LRRC49: variants seen among roughly 807,000 people sequenced by gnomAD.
The protein encoded by LRRC49 is leucine-rich repeat-containing protein 49.
LRRC49 carries 50 observed loss-of-function variants against 83.3 expected under a neutral mutation model. The ratio of observed to expected loss-of-function variants is 0.60; its 90% confidence interval spans 0.48 to 0.76. The LOEUF (loss-of-function observed/expected upper bound fraction) is 0.76, where lower values mean the gene tolerates loss of function less well. Ranked by LOEUF, LRRC49 falls within the 30% of genes least tolerant of loss-of-function variation. LRRC49 has a pLI of 0.00. For synonymous variants in LRRC49, 286 were observed against 283.3 expected (o/e 1.01, Z -0.10); for missense variants, 704 against 809.1 (o/e 0.87, Z 1.58).
chr15:70,938,977 T>C (rs2141161448), intron 8 of LRRC49, among the ~76,000 whole-genome samples: 1 of 152,294 alleles, frequency 6.6e-6, no homozygotes, highest in Non-Finnish European at 1.5e-5. Context: ...AAGCATACAC[T>C]GTTGCATAAA....
At chr15:70,926,902 C>T (rs1040782854) in intron 7 of LRRC49, among the ~76,000 whole-genome samples, 1 of 151,918 alleles carries the variant, frequency 6.6e-6, no homozygotes, top group African/African-American at 2.4e-5. Context: ...AACAAACAAC[C>T]CCACCAAAAA....
chr15:70,919,972 A>G (rs2034948146), intron 7 of LRRC49, among the ~76,000 whole-genome samples: 1 of 152,206 alleles, frequency 6.6e-6, no homozygotes, highest in Admixed American at 6.5e-5. Flanking sequence ...TGATGCTGAG[A>G]TATTTTGTAT....
intron 13 of LRRC49, among the ~76,000 whole-genome samples, chr15:71,010,821 AT>A (rs1385234809): frequency 1.3e-5 from 2 of 152,034 alleles, no homozygotes; most frequent in Non-Finnish European, 1.5e-5. Context: ...AAAAAAAAAC[AT>A]CTTTAATATG....
intron 8 of LRRC49, among the ~76,000 whole-genome samples, chr15:70,962,273 A>C (rs944052931): frequency 5.9e-5 from 9 of 152,200 alleles, no homozygotes; most frequent in Non-Finnish European, 1.0e-4. Context: ...TTAGAGTTGG[A>C]GACATCAGTA....
upstream of LRRC49, chr15:70,892,010 G>A: frequency 6.2e-7 from 1 of 1,613,116 alleles, no homozygotes; most frequent in Non-Finnish European, 8.5e-7. Flanking sequence ...CCGGTGCAGG[G>A]TGGGCACGGC....
At chr15:70,893,195 A>T (rs1217055420) in intron 1 of LRRC49, 2 of 591,680 alleles carry the variant, frequency 3.4e-6, no homozygotes, top group East Asian at 2.8e-5. Context: ...GCTTGGGTTT[A>T]TTTAAATTCC....
intron 7 of LRRC49, among the ~76,000 whole-genome samples, chr15:70,934,485 TA>T (rs1275585847): frequency 6.6e-6 from 1 of 152,194 alleles, no homozygotes; most frequent in Non-Finnish European, 1.5e-5. Flanking sequence ...AACTTGTGAA[TA>T]TTTTTATATT....
At chr15:70,996,869 G>A (rs1433330177) in intron 11 of LRRC49, among the ~76,000 whole-genome samples, 1 of 152,136 alleles carries the variant, frequency 6.6e-6, no homozygotes, top group Admixed American at 6.5e-5. Flanking sequence ...AGACTGCAGT[G>A]TTTAATTTGT....
intron 11 of LRRC49, among the ~76,000 whole-genome samples, chr15:70,988,904 T>C (rs2037745727): frequency 6.6e-6 from 1 of 152,214 alleles, no homozygotes; most frequent in African/African-American, 2.4e-5. Flanking sequence ...GAAGCTTAGT[T>C]TGGCTGTATA....
In LRRC49 at chr15:71,053,354, C is replaced by G. The variant is rs780509238; in HGVS notation, c.*3742C>G. The G allele has an allele frequency of 3.9e-5, 6 of 152,172 alleles. No individual in the cohort carries two copies. The highest frequency in any genetic ancestry group is 5.9e-5 in the Non-Finnish European group (4 of 68,042). 9.4% of individuals were successfully genotyped at this position (152,172 alleles called of 1,614,324 possible). A position where few individuals can be genotyped will look rare whatever the true frequency, so the allele number is the denominator to read the frequency against. On this transcript the variant is annotated 3_prime_UTR_variant, in exon 16 of 16. Transcript: ENST00000260382. ...ACCGAAAAGATTGAGTTGCCATCAA[C>G]TGAGATGAGAGCAATCTGTGAATGG... is the stretch of plus-strand genomic sequence containing the variant.
intron 13 of LRRC49, among the ~76,000 whole-genome samples, chr15:71,012,086 G>A (rs1431332710): frequency 6.6e-6 from 1 of 152,150 alleles, no homozygotes; most frequent in East Asian, 1.9e-4. Flanking sequence ...TTGTTCTGTA[G>A]GGGGCAAAAT....
intron 7 of LRRC49, among the ~76,000 whole-genome samples, chr15:70,923,269 C>T (rs569760071): frequency 2.6e-5 from 4 of 151,954 alleles, no homozygotes; most frequent in African/African-American, 9.6e-5. Flanking sequence ...GTAATTGGTA[C>T]TTTAACGTTT....
chr15:71,049,680 A>T lies in LRRC49; in HGVS notation c.*68A>T. On this transcript the variant is annotated 3_prime_UTR_variant, in exon 16 of 16. Transcript: ENST00000260382. Reference sequence around the variant, plus strand: ...TGAAGGTTGAAAATATGCAGGTTATACATGTTAAAACAACAACAACACTAT... The same window carrying T: ...TGAAGGTTGAAAATATGCAGGTTATTCATGTTAAAACAACAACAACACTAT... 1.0e-6 allele frequency: 1 copy of T among 968,486 alleles called. No individual in the cohort carries two copies. The highest frequency in any genetic ancestry group is 1.5e-5 in the South Asian group (1 of 67,712). 60.0% of individuals were successfully genotyped at this position (968,486 alleles called of 1,614,324 possible).
At chr15:70,913,023 A>T (rs1413351676) in intron 6 of LRRC49, among the ~76,000 whole-genome samples, 1 of 152,036 alleles carries the variant, frequency 6.6e-6, no homozygotes. Context: ...TCTCTGTCAG[A>T]TCATATTGGC....
intron 14 of LRRC49, among the ~76,000 whole-genome samples, chr15:71,024,904 A>G (rs747175857): frequency 7.2e-5 from 11 of 152,184 alleles, no homozygotes; most frequent in East Asian, 3.8e-4. Flanking sequence ...CAATGCAACC[A>G]CAAGTATCAA....
At chr15:71,004,800 A>G (rs2038398088) in intron 11 of LRRC49, among the ~76,000 whole-genome samples, 2 of 152,162 alleles carry the variant, frequency 1.3e-5, no homozygotes, top group Admixed American at 6.5e-5. Context: ...ACAGAACAGA[A>G]AATCAAATAC....
At chr15:70,978,525 A>G (rs1215117122) in intron 9 of LRRC49, among the ~76,000 whole-genome samples, 3 of 152,236 alleles carry the variant, frequency 2.0e-5, no homozygotes. Context: ...ATGCAAAGAC[A>G]CAAGAATATT....
intron 14 of LRRC49, among the ~76,000 whole-genome samples, chr15:71,023,280 A>G: frequency 6.6e-6 from 1 of 152,256 alleles, no homozygotes; most frequent in East Asian, 1.9e-4. Flanking sequence ...AAAGTTAAAG[A>G]AAAGAAATGA....
chr15:70,901,498 G>A (rs1192360362), intron 4 of LRRC49, among the ~76,000 whole-genome samples: 1 of 151,988 alleles, frequency 6.6e-6, no homozygotes, highest in African/African-American at 2.4e-5. Context: ...CCCTCTGCCT[G>A]GAATGCTGTT....
Sources: allele counts gnomAD v4.1 joint callset (sites outside exome capture counted in the v4.1 genomes callset), GRCh38; gene constraint gnomAD v4.1.1; transcripts MANE v1.5; gene names NCBI Gene and HGNC (gene_info 2026-07-23, HGNC 2026-07-21).